The following RASA3 variants were observed in gnomAD, a reference collection of about 807,000 sequenced individuals.
RASA3 encodes the protein RAS p21 protein activator 3.
Under a neutral mutation model 110.0 loss-of-function variants are expected in RASA3, and 73 were observed. That is an observed-to-expected ratio of 0.66 (90% CI 0.55 to 0.81). The LOEUF is 0.81. Among genes scored for constraint, RASA3 ranks in the 30% least tolerant of loss-of-function variants. The pLI, the probability that RASA3 is intolerant of heterozygous loss-of-function variation, is 0.00. For missense variants in RASA3, 976 were observed against 1,113.2 expected (o/e 0.88, Z 1.75); for synonymous variants, 500 against 451.4 (o/e 1.11, Z -1.37).
intron 17 of RASA3, 99 bp downstream of exon 17, chr13:114,009,288 G>A (rs1158158607): frequency 6.1e-6 from 6 of 991,648 alleles, no homozygotes; most frequent in Non-Finnish European, 7.9e-6. Context: ...AATCGCTAAT[G>A]GCCAAGTCTG....
chr13:114,027,287 C>T, intron 7 of RASA3, 102 bp downstream of exon 7: 1 of 1,075,524 alleles, frequency 9.3e-7, no homozygotes, highest in Non-Finnish European at 1.4e-6. Context: ...CCGGAAGGAA[C>T]TTCCAGAGGG....
chr13:114,048,517 T>A lies in RASA3; in HGVS notation c.277+3535A>T, dbSNP rs1198478071. 6.6e-6 allele frequency among the ~76,000 whole-genome samples: 1 copy of A among 152,130 alleles called. No homozygotes were observed. The highest frequency in any genetic ancestry group is 1.5e-5 in the Non-Finnish European group (1 of 68,010). ...TCGGGGGCGGAGACCCCAATGCTCC[T>A]GACAGCACCGAGCCGGGCCTCGCGC... On this transcript the variant is annotated intron_variant, in intron 3 of 23. Coordinates refer to ENST00000334062, the MANE Select transcript of RASA3 (RefSeq NM_007368.4). The surrounding 1 kb of genome is among the most constrained non-coding windows in gnomAD (Gnocchi z 4.3).
chr13:114,130,492 C>T (rs1007395120), intron 1 of RASA3, among the ~76,000 whole-genome samples: 1 of 152,228 alleles, frequency 6.6e-6, no homozygotes, highest in African/African-American at 2.4e-5. Context: ...GTTGTGGCAT[C>T]TCCAAACCTC....
At chr13:114,058,829 G>A (rs1407511687) in intron 2 of RASA3, among the ~76,000 whole-genome samples, 3 of 152,342 alleles carry the variant, frequency 2.0e-5, no homozygotes, top group Middle Eastern at 3.4e-3. Flanking sequence ...ATCCCAATGA[G>A]AACCAAAATC....
chr13:114,107,863 C>T (rs896063115), intron 1 of RASA3: 1 of 152,186 alleles, frequency 6.6e-6, no homozygotes, highest in African/African-American at 2.4e-5. Flanking sequence ...TGTTTCAGAA[C>T]CAGAGGCTGA....
At position 113,978,077 on chromosome 13, in the gene RASA3, C is replaced by T. The variant is rs1013041833; in HGVS notation, c.*1270G>A. Reference sequence around the variant, plus strand: ...GTGCTGTGTATTTAAACGGCGCTTCCCACACACCTGCCGTCTGCATCCCGG... The same window carrying T: ...GTGCTGTGTATTTAAACGGCGCTTCTCACACACCTGCCGTCTGCATCCCGG... On this transcript the variant is annotated 3_prime_UTR_variant, in exon 24 of 24. Transcript: ENST00000334062. 6.6e-6 allele frequency: 1 copy of T among 152,192 alleles called. No individual in the cohort carries two copies. Among genetic ancestry groups the T allele is most frequent in the African/African-American group, 2.4e-5 (1 of 41,430 alleles). 9.4% of individuals were successfully genotyped at this position (152,192 alleles called of 1,614,324 possible).
intron 1 of RASA3, among the ~76,000 whole-genome samples, chr13:114,077,513 C>G (rs1187087055): frequency 6.9e-6 from 1 of 144,922 alleles, no homozygotes; most frequent in South Asian, 2.3e-4. Context: ...CACACTGGCA[C>G]CAACGCACCG....
At chr13:114,042,463 C>T (rs746861566) in intron 3 of RASA3, among the ~76,000 whole-genome samples, 8 of 152,278 alleles carry the variant, frequency 5.3e-5, no homozygotes, top group African/African-American at 9.6e-5. Flanking sequence ...CTCACGTCTT[C>T]GTTCTGCACC....
In RASA3 at chr13:113,979,397, AG is replaced by A. The variant is rs756173779; in HGVS notation, c.2454del (p.Phe819SerfsTer50). ...GACTGCTGCCGGATGTAGTTCTGGA[AG>A]CTCTTGTCTCCGATGGGGTGCTCCC... The part of the protein sequence containing the change: ...GSQEHPIGDK[S>X]FQNYIRQQSE... On this transcript the variant is annotated frameshift_variant, in exon 24 of 24. Coordinates refer to ENST00000334062, the MANE Select transcript of RASA3 (RefSeq NM_007368.4). LOFTEE classifies it high-confidence loss of function. The A allele has an allele frequency of 6.2e-7, 1 of 1,606,196 alleles. No homozygotes were observed. Among genetic ancestry groups the A allele is most frequent in the Non-Finnish European group, 8.5e-7 (1 of 1,173,000 alleles).
intron 1 of RASA3, among the ~76,000 whole-genome samples, chr13:114,075,328 G>A (rs905549158): frequency 6.6e-6 from 1 of 152,206 alleles, no homozygotes; most frequent in African/African-American, 2.4e-5. Flanking sequence ...AAACTGGCAT[G>A]CCAGCAACTC....
chr13:114,031,386 T>C (rs1433223623), intron 4 of RASA3, among the ~76,000 whole-genome samples: 1 of 151,794 alleles, frequency 6.6e-6, no homozygotes, highest in African/African-American at 2.4e-5. Context: ...TGCATGTCTG[T>C]CTGTGTGCAA....
At chr13:114,024,145 C>T (rs1478026936) in intron 8 of RASA3, 134 bp downstream of exon 8, 3 of 941,782 alleles carry the variant, frequency 3.2e-6, no homozygotes, top group Non-Finnish European at 5.0e-6. Flanking sequence ...CTTCTAACAT[C>T]CTGTTGTGAA....
chr13:114,018,399 A>C, intron 10 of RASA3, 147 bp from the exon 11 acceptor site: 5 of 1,145,674 alleles, frequency 4.4e-6, no homozygotes, highest in Non-Finnish European at 4.8e-6. Flanking sequence ...AAAACACCAA[A>C]CTTCCCATTT....
chr13:114,074,502 C>T (rs574842919), intron 1 of RASA3, among the ~76,000 whole-genome samples: 261 of 152,356 alleles, frequency 1.7e-3, no homozygotes, highest in South Asian at 6.6e-3. Context: ...GGGACCTCGT[C>T]TTGCTTATTC....
intron 22 of RASA3, among the ~76,000 whole-genome samples, chr13:113,984,768 CAT>C (rs2053014403): frequency 2.1e-5 from 1 of 47,364 alleles, no homozygotes; most frequent in African/African-American, 6.8e-5. Context: ...CTCACCCATC[CAT>C]CCATCCACCC....
At chr13:114,015,452 C>T (rs947223601) in intron 13 of RASA3, 120 bp from the exon 14 acceptor site, 27 of 1,278,444 alleles carry the variant, frequency 2.1e-5, no homozygotes, top group African/African-American at 1.8e-4. Flanking sequence ...AGGGCAGCTG[C>T]GGCAGTGAGA....
chr13:114,102,021 G>A (rs144631637), intron 1 of RASA3, among the ~76,000 whole-genome samples: 3 of 152,234 alleles, frequency 2.0e-5, no homozygotes, highest in East Asian at 1.9e-4. Context: ...GAAAGACCCC[G>A]TGCCCAGCAC....
intron 1 of RASA3, among the ~76,000 whole-genome samples, chr13:114,121,691 C>G (rs1283802412): frequency 1.3e-5 from 2 of 152,268 alleles, no homozygotes; most frequent in African/African-American, 4.8e-5. Flanking sequence ...GAACGCTTCA[C>G]TCCTCTGTAG....
intron 2 of RASA3, among the ~76,000 whole-genome samples, chr13:114,067,568 CTT>C (rs1285677133): frequency 6.6e-6 from 1 of 152,240 alleles, no homozygotes; most frequent in African/African-American, 2.4e-5. Context: ...CCCCAAATAA[CTT>C]CTCCCCTCCC....
Sources: allele counts gnomAD v4.1 joint callset (sites outside exome capture counted in the v4.1 genomes callset), GRCh38; gene constraint gnomAD v4.1.1; non-coding constraint Gnocchi (gnomAD v3.1); transcripts MANE v1.5; gene names NCBI Gene and HGNC (gene_info 2026-07-23, HGNC 2026-07-21).